The following CENPF variants were observed in gnomAD, a reference collection of about 807,000 sequenced individuals.
CENPF encodes AH antigen.
Under a neutral mutation model 307.3 loss-of-function variants are expected in CENPF, and 214 were observed. The ratio of observed to expected loss-of-function variants is 0.70; its 90% CI spans 0.62 to 0.78. The LOEUF (loss-of-function observed/expected upper bound fraction) is 0.78. Ranked by LOEUF, CENPF falls within the 30% of genes least tolerant of loss-of-function variation. The pLI is 0.00. For missense variants in CENPF, 3,401 were observed against 3,483.9 expected (o/e 0.98, Z 0.60); for synonymous variants, 1,259 against 1,270.6 (o/e 0.99, Z 0.19).
At chr1:214,604,547 CTT>C (rs1656971417) in intron 1 of CENPF, among the ~76,000 whole-genome samples, 1 of 152,156 alleles carries the variant, frequency 6.6e-6, no homozygotes, top group Admixed American at 6.5e-5. Context: ...GCTTGCCAGT[CTT>C]CTTTATGTTT....
rs1658844654 is a variant in CENPF at position 214,663,700 on chromosome 1, C to T, written c.9251C>T (p.Pro3084Leu). 6.2e-7 allele frequency: 1 copy of T among 1,614,044 alleles called. No homozygotes were observed. Among genetic ancestry groups the T allele is most frequent in the East Asian group, 2.2e-5 (1 of 44,854 alleles). Reference protein sequence around the residue: ...NLPERSPTDSPREGLRVKRGR... With the variant: ...NLPERSPTDSLREGLRVKRGR... ...CCTGAGAGAAGTCCGACTGACAGCC[C>T]CAGAGAGGGCCTGAGGGTCAAGCGA... The change falls in exon 20 of 20, where the codon CCC (proline) becomes CTC (leucine). Residue 3084 changes from proline to leucine, a missense_variant. Coordinates refer to ENST00000366955, the MANE Select transcript of CENPF (RefSeq NM_016343.4).
intron 7 of CENPF, among the ~76,000 whole-genome samples, chr1:214,628,828 A>G (rs1246054889): frequency 6.6e-6 from 1 of 152,222 alleles, no homozygotes; most frequent in East Asian, 1.9e-4. Context: ...CCATGCAACA[A>G]AATGTTAGAT....
At chr1:214,622,686 T>G (rs1657539775) in intron 7 of CENPF, among the ~76,000 whole-genome samples, 1 of 151,570 alleles carries the variant, frequency 6.6e-6, no homozygotes, top group Non-Finnish European at 1.5e-5. Flanking sequence ...ATTGTACCCA[T>G]GAGTTCTGCA....
At chr1:214,654,442 G>A (rs1658576685) in intron 16 of CENPF, 1 of 152,254 alleles carries the variant, frequency 6.6e-6, no homozygotes, top group Admixed American at 6.6e-5. Flanking sequence ...GTGATGGCAC[G>A]TACCTATAGT....
chr1:214,608,596 T>C (rs950768468), intron 1 of CENPF: 2 of 1,608,760 alleles, frequency 1.2e-6, no homozygotes, highest in African/African-American at 2.7e-5. Context: ...GGTGTCCAGC[T>C]CGCGCTGGCT....
At chr1:214,632,088 G>A (rs1016926127) in intron 9 of CENPF, among the ~76,000 whole-genome samples, 5 of 152,164 alleles carry the variant, frequency 3.3e-5, no homozygotes, top group African/African-American at 4.8e-5. Context: ...ATCATAGAGC[G>A]CTGTATATGT....
chr1:214,657,455 C>A, intron 18 of CENPF, 46 bp downstream of exon 18: 2 of 1,385,984 alleles, frequency 1.4e-6, no homozygotes, highest in South Asian at 1.2e-5. Flanking sequence ...TTTTGAAATT[C>A]CATATAATGG....
chr1:214,609,320 C>T (rs982807976), intron 1 of CENPF, among the ~76,000 whole-genome samples: 1 of 152,190 alleles, frequency 6.6e-6, no homozygotes, highest in Non-Finnish European at 1.5e-5. Context: ...ACGGCATTCA[C>T]TCTTCATTCA....
At chr1:214,622,856 A>G (rs1299658612) in intron 7 of CENPF, among the ~76,000 whole-genome samples, 2 of 143,320 alleles carry the variant, frequency 1.4e-5, no homozygotes, top group Non-Finnish European at 3.0e-5. Context: ...TAGTTGGTCC[A>G]TTGTACCCAT....
chr1:214,639,931 C>T lies in CENPF; in HGVS notation c.1593C>T (p.Thr531=), dbSNP rs781519822. 4 of 1,520,784 alleles carry T rather than the reference C, an allele frequency of 2.6e-6. No homozygotes were observed. The highest frequency in any genetic ancestry group is 2.6e-5 in the South Asian group (2 of 75,794). 94.2% of individuals were successfully genotyped at this position (1,520,784 alleles called of 1,614,324 possible). ...TTTATTTTTAAATAGCGAAGAATACCTCTCAGGAAACCATGTTAAGAGATC... is the reference window on the plus strand; with the variant it reads ...TTTATTTTTAAATAGCGAAGAATACTTCTCAGGAAACCATGTTAAGAGATC... ...NFAEEMKAKN[T]SQETMLRDLQ... Residue 531 remains threonine, a synonymous_variant, in exon 12 of 20, where the codon ACC becomes ACT. Coordinates refer to ENST00000366955, the MANE Select transcript of CENPF (RefSeq NM_016343.4).
In CENPF at chr1:214,644,565, A is replaced by G; in HGVS notation, c.4995A>G (p.Gln1665=). ...ATGTATTATAATTACAGGCTATTCAAGGCCGAAATGAGAGCTGTGACATAT... is the reference window on the plus strand; with the variant it reads ...ATGTATTATAATTACAGGCTATTCAGGGCCGAAATGAGAGCTGTGACATAT... ...LLGIDTEDAI[Q]GRNESCDISK... Residue 1665 remains glutamine (Q), a synonymous_variant, in exon 13 of 20, where the codon CAA becomes CAG. Coordinates refer to ENST00000366955, the MANE Select transcript of CENPF (RefSeq NM_016343.4). 1 of 1,588,062 alleles carries G rather than the reference A, an allele frequency of 6.3e-7. No individual in the cohort carries two copies. Among genetic ancestry groups the G allele is most frequent in the Non-Finnish European group, 8.6e-7 (1 of 1,167,036 alleles).
chr1:214,638,352 G>A (rs553783036), intron 11 of CENPF, among the ~76,000 whole-genome samples: 25 of 152,238 alleles, frequency 1.6e-4, no homozygotes, highest in African/African-American at 5.5e-4. Flanking sequence ...CATCCAGACA[G>A]CTCATCTCCT....
At chr1:214,619,092 G>T in intron 4 of CENPF, 37 bp from the exon 5 acceptor site, 1 of 1,031,740 alleles carries the variant, frequency 9.7e-7, no homozygotes, top group South Asian at 1.4e-5. Flanking sequence ...TGGAATCAAT[G>T]ACTGAAAGAA....
chr1:214,620,997 A>G (rs1420189435), intron 6 of CENPF, 51 bp downstream of exon 6: 1 of 1,515,104 alleles, frequency 6.6e-7, no homozygotes, highest in South Asian at 1.3e-5. Flanking sequence ...AGGTAATTTC[A>G]CAGGTGATTT....
intron 19 of CENPF, among the ~76,000 whole-genome samples, chr1:214,660,460 T>C (rs562931798): frequency 1.3e-5 from 2 of 152,378 alleles, no homozygotes; most frequent in South Asian, 2.1e-4. Flanking sequence ...CTGAATATAC[T>C]GACTTTCCAA....
chr1:214,641,575 A>G lies in CENPF; in HGVS notation c.3237A>G (p.Ala1079=). 1.3e-6 allele frequency: 2 copies of G among 1,535,658 alleles called. No homozygotes were observed. Among genetic ancestry groups the G allele is most frequent in the Non-Finnish European group, 1.7e-6 (2 of 1,147,546 alleles). The change falls in exon 12 of 20, where the codon GCA becomes GCG. Residue 1079 remains alanine, a synonymous_variant. Transcript: ENST00000366955. Reference sequence around the variant, plus strand: ...TGGAACAGCTAAAGGAAGCATTTGCAAAGGAACACCAAGAATTCTTAACAA... The same window carrying G: ...TGGAACAGCTAAAGGAAGCATTTGCGAAGGAACACCAAGAATTCTTAACAA... ...NELEQLKEAF[A]KEHQEFLTKL...
chr1:214,659,073 T>C lies in CENPF; in HGVS notation c.9141+45T>C, dbSNP rs1008238286. 1 of 1,602,818 alleles carries C rather than the reference T, an allele frequency of 6.2e-7. No homozygotes were observed. The highest frequency in any genetic ancestry group is 1.7e-5 in the Admixed American group (1 of 59,788). On this transcript the variant is annotated intron_variant, in intron 19 of 19. Transcript: ENST00000366955. The surrounding 1 kb of genome is among the most constrained non-coding windows in gnomAD (Gnocchi z 4.4). The stretch of plus-strand genomic sequence containing the variant: ...CGTCTACTGTTTGAGATCCAGAAAA[T>C]TGCAGTAGTACCTGGGTGAGGATTG...
At position 214,644,633 on chromosome 1, in the gene CENPF, A is replaced by G; in HGVS notation, c.5063A>G (p.His1688Arg). ...GAAACTACAGAAAGAACACCAAAGCATGATGTTCATCAGATTTGTGATAAA... is the reference window on the plus strand; with the variant it reads ...GAAACTACAGAAAGAACACCAAAGCGTGATGTTCATCAGATTTGTGATAAA... The part of the protein sequence containing the change: ...TSETTERTPK[H>R]DVHQICDKDA... Residue 1688 changes from histidine (H) to arginine (R), a missense_variant, in exon 13 of 20, where the codon CAT becomes CGT. Physicochemically the swap from His to Arg is conservative, Grantham distance 29. Transcript: ENST00000366955. The G allele has an allele frequency of 6.2e-7, 1 of 1,614,002 alleles. No individual in the cohort carries two copies. Among genetic ancestry groups the G allele is most frequent in the South Asian group, 1.1e-5 (1 of 91,074 alleles).
intron 10 of CENPF, among the ~76,000 whole-genome samples, 195 bp downstream of exon 10, chr1:214,632,797 C>A (rs1228804465): frequency 6.6e-6 from 1 of 152,154 alleles, no homozygotes; most frequent in Non-Finnish European, 1.5e-5. Context: ...TTTCTACTCT[C>A]TATTCTGTAT....
Sources: allele counts gnomAD v4.1 joint callset (sites outside exome capture counted in the v4.1 genomes callset), GRCh38; gene constraint gnomAD v4.1.1; non-coding constraint Gnocchi (gnomAD v3.1); transcripts MANE v1.5; gene names NCBI Gene and HGNC (gene_info 2026-07-23, HGNC 2026-07-21).